The following RAB39A variants were observed in gnomAD, a reference collection of about 807,000 sequenced individuals.
The protein encoded by RAB39A is RAB39A, member RAS oncogene family.
Under a neutral mutation model 20.9 loss-of-function variants are expected in RAB39A, and 17 were observed. The observed-to-expected ratio is 0.81, with a 90% CI of 0.56 to 1.22. The LOEUF (loss-of-function observed/expected upper bound fraction) is 1.22, where lower values mean the gene tolerates loss of function less well. RAB39A is among the 50% of genes most tolerant of loss of function. RAB39A has a pLI of 0.00. For missense variants in RAB39A, 234 were observed against 270.5 expected, an observed-to-expected ratio of 0.87 and a Z score of 0.95; for synonymous variants, 99 against 103.4, an observed-to-expected ratio of 0.96 and a Z score of 0.26.
chr11:107,952,307 C>A (rs1861389340), intron 1 of RAB39A, among the ~76,000 whole-genome samples: 1 of 152,194 alleles, frequency 6.6e-6, no homozygotes, highest in African/African-American at 2.4e-5. Flanking sequence ...TCAGGCCAGG[C>A]CTGGTGGCTC....
intron 1 of RAB39A, among the ~76,000 whole-genome samples, chr11:107,933,763 C>T (rs10890777): frequency 0.27 from 40,202 of 150,884 alleles, 6,365 homozygotes; most frequent in Admixed American, 0.46. Flanking sequence ...CAGGTCCAAG[C>T]GATTCTCCTG....
chr11:107,952,568 C>T (rs1591247867), intron 1 of RAB39A, among the ~76,000 whole-genome samples: 2 of 150,482 alleles, frequency 1.3e-5, no homozygotes, highest in Middle Eastern at 7.2e-3. Context: ...GCAACAAGAG[C>T]GCAACTCTGT....
intron 1 of RAB39A, among the ~76,000 whole-genome samples, chr11:107,933,127 A>G (rs990619977): frequency 6.6e-6 from 1 of 152,140 alleles, no homozygotes; most frequent in Non-Finnish European, 1.5e-5. Flanking sequence ...TTAAAGTTAT[A>G]TGAATATAAT....
chr11:107,935,255 T>C (rs888487042), intron 1 of RAB39A, among the ~76,000 whole-genome samples: 1 of 152,048 alleles, frequency 6.6e-6, no homozygotes, highest in Non-Finnish European at 1.5e-5. Flanking sequence ...ACAGACAGAG[T>C]AGGACGTACC....
chr11:107,960,608 G>A (rs1007715619), intron 1 of RAB39A, among the ~76,000 whole-genome samples: 1 of 152,186 alleles, frequency 6.6e-6, no homozygotes, highest in African/African-American at 2.4e-5. Context: ...GTTTAATGAA[G>A]TGACTATTTC....
chr11:107,937,630 G>T lies in RAB39A; in HGVS notation c.227+8835G>T, dbSNP rs368927193. ...GGCTCACTGCAAGCTCCGCCTCCTGGGTTCAAGTGATTCTCCTGCCTCAGC... is the reference window on the plus strand; with the variant it reads ...GGCTCACTGCAAGCTCCGCCTCCTGTGTTCAAGTGATTCTCCTGCCTCAGC... On this transcript the variant is annotated intron_variant, in intron 1 of 1. Coordinates refer to ENST00000320578, the MANE Select transcript of RAB39A (RefSeq NM_017516.3). 1.1e-4 allele frequency among the ~76,000 whole-genome samples: 16 copies of T among 151,888 alleles called. No homozygotes were observed. The East Asian group carries it at 3.1e-3, about 29-fold the overall frequency.
At chr11:107,929,697 G>A (rs1423521754) in intron 1 of RAB39A, among the ~76,000 whole-genome samples, 1 of 152,124 alleles carries the variant, frequency 6.6e-6, no homozygotes, top group Non-Finnish European at 1.5e-5. Context: ...GGGACATGAA[G>A]GGTTTCACAA....
intron 1 of RAB39A, among the ~76,000 whole-genome samples, chr11:107,951,304 A>G (rs989987263): frequency 5.3e-5 from 8 of 152,178 alleles, no homozygotes; most frequent in African/African-American, 1.9e-4. Flanking sequence ...GCATCAACAC[A>G]ATGACTGTTC....
chr11:107,938,643 A>G (rs1019552650), intron 1 of RAB39A, among the ~76,000 whole-genome samples: 9 of 150,338 alleles, frequency 6.0e-5, no homozygotes, highest in Non-Finnish European at 8.9e-5. Context: ...GACTGAGGTA[A>G]GACTATCACT....
At chr11:107,947,979 C>T (rs572218861) in intron 1 of RAB39A, among the ~76,000 whole-genome samples, 3 of 51,412 alleles carry the variant, frequency 5.8e-5, no homozygotes, top group African/African-American at 1.1e-4. Flanking sequence ...TATACACACA[C>T]GTACACACAC....
rs981728911 is a variant in RAB39A, at chr11:107,936,926, T to A, written c.227+8131T>A. Among the ~76,000 whole-genome samples the A allele has an allele frequency of 1.8e-5, 2 of 112,292 alleles. 1 individual carries two copies. Among genetic ancestry groups the A allele is most frequent in the Non-Finnish European group, 3.7e-5 (2 of 53,998 alleles). 73.7% of individuals were successfully genotyped at this position (112,292 alleles called of 152,430 possible). A position where few individuals can be genotyped will look rare whatever the true frequency, so the allele number is the denominator to read the frequency against. The stretch of plus-strand genomic sequence containing the variant: ...TCCAGCCTGGGTGACAGAGCGAGAC[T>A]CCCCCTCCAAAAAAAAAAAAACAAA... On this transcript the variant is annotated intron_variant, in intron 1 of 1. Transcript: ENST00000320578.
rs1252939242 is a variant in RAB39A at position 107,928,466 on chromosome 11, G to A, written c.-103G>A. On this transcript the variant is annotated 5_prime_UTR_variant, in exon 1 of 2. Coordinates refer to ENST00000320578, the MANE Select transcript of RAB39A (RefSeq NM_017516.3). This position sits in a 1 kb window ranked among gnomAD's most constrained non-coding sequence, Gnocchi z 4.9. Reference sequence around the variant, plus strand: ...CGGCCGCAGCCGCAGGAATATGCTGGAAGGCGGCGGGCGGGCGCCCGCGAG... The same window carrying A: ...CGGCCGCAGCCGCAGGAATATGCTGAAAGGCGGCGGGCGGGCGCCCGCGAG... 1.2e-6 allele frequency: 1 copy of A among 853,688 alleles called. No homozygotes were observed. Among genetic ancestry groups the A allele is most frequent in the African/African-American group, 1.8e-5 (1 of 56,542 alleles). 52.9% of individuals were successfully genotyped at this position (853,688 alleles called of 1,614,324 possible).
intron 1 of RAB39A, among the ~76,000 whole-genome samples, chr11:107,952,440 G>A (rs1861390491): frequency 6.6e-6 from 1 of 152,146 alleles, no homozygotes; most frequent in African/African-American, 2.4e-5. Context: ...AATTAGCTGG[G>A]TGTGGTGGCG....
chr11:107,962,368 G>C lies in RAB39A; in HGVS notation c.650G>C (p.Cys217Ser), dbSNP rs1451161902. The stretch of plus-strand genomic sequence containing the variant: ...GTAAAGCCCAGGAAAGAATGCTTCT[G>C]CTGACTTCAAACATGCTGAAGAACT... ...EAVKPRKECFC is the reference protein window; with the variant it reads ...EAVKPRKECFS Residue 217 changes from cysteine (C) to serine (S), a missense_variant, in exon 2 of 2, where the codon TGC becomes TCC. Coordinates refer to ENST00000320578, the MANE Select transcript of RAB39A (RefSeq NM_017516.3). The C allele has an allele frequency of 6.3e-7, 1 of 1,594,976 alleles. No individual in the cohort carries two copies. Among genetic ancestry groups the C allele is most frequent in the Non-Finnish European group, 8.6e-7 (1 of 1,167,150 alleles).
chr11:107,946,454 ATATATATTTTTTTTTTT>A lies in RAB39A; in HGVS notation c.228-15490_228-15474del, dbSNP rs1861317596. The stretch of plus-strand genomic sequence containing the variant: ...TGTGTGTGTATATATATATATATAT[ATATATATTTTTTTTTTT>A]TTTTTTTTTTTTTTTTTTTGAGACA... On this transcript the variant is annotated intron_variant, in intron 1 of 1. Coordinates refer to ENST00000320578, the MANE Select transcript of RAB39A (RefSeq NM_017516.3). 9.7e-5 allele frequency among the ~76,000 whole-genome samples: 6 copies of A among 61,908 alleles called. 1 individual carries two copies. The highest frequency in any genetic ancestry group is 1.5e-4 in the Non-Finnish European group (5 of 32,626). The allele number at this position is 61,908 out of a possible 152,430, so 40.6% of individuals were successfully genotyped here. A position where few individuals can be genotyped will look rare whatever the true frequency, so the allele number is the denominator to read the frequency against.
intron 1 of RAB39A, among the ~76,000 whole-genome samples, chr11:107,933,945 C>G (rs1198430595): frequency 6.6e-6 from 1 of 152,096 alleles, no homozygotes; most frequent in South Asian, 2.1e-4. Flanking sequence ...CGTAAGCCAC[C>G]GCACCCAGCC....
chr11:107,946,862 C>T (rs1283518425), intron 1 of RAB39A, among the ~76,000 whole-genome samples: 1 of 151,736 alleles, frequency 6.6e-6, no homozygotes, highest in Non-Finnish European at 1.5e-5. Flanking sequence ...CTGAGGCAGG[C>T]AGATCACTTG....
chr11:107,933,448 C>T (rs556756973), intron 1 of RAB39A, among the ~76,000 whole-genome samples: 7 of 125,644 alleles, frequency 5.6e-5, no homozygotes, highest in East Asian at 2.6e-4. Flanking sequence ...GTGAAACGAT[C>T]GGCTCACTGC....
chr11:107,962,293 G>T lies in RAB39A; in HGVS notation c.575G>T (p.Gly192Val). The T allele has an allele frequency of 6.2e-7, 1 of 1,613,806 alleles. No individual in the cohort carries two copies. The highest frequency in any genetic ancestry group is 8.5e-7 in the Non-Finnish European group (1 of 1,179,946). Residue 192 changes from glycine (G) to valine (V), a missense_variant, in exon 2 of 2, where the codon GGG (glycine) becomes GTG (valine). Coordinates refer to ENST00000320578, the MANE Select transcript of RAB39A (RefSeq NM_017516.3). ...ATTTGTATTCAGGATGGCTGGGAAG[G>T]GGTTAAAAGTGGTTTTGTTCCAAAT... ...GEICIQDGWE[G>V]VKSGFVPNTV... is the part of the protein sequence containing the mutation.
Sources: allele counts gnomAD v4.1 joint callset (sites outside exome capture counted in the v4.1 genomes callset), GRCh38; gene constraint gnomAD v4.1.1; non-coding constraint Gnocchi (gnomAD v3.1); transcripts MANE v1.5; gene names NCBI Gene and HGNC (gene_info 2026-07-23, HGNC 2026-07-21).